The following RAB3IP variants were observed in gnomAD, a reference collection of about 807,000 sequenced individuals.
RAB3IP encodes RAB3A interacting protein.
Under a neutral mutation model 59.1 loss-of-function variants are expected in RAB3IP, and 36 were observed. The ratio of observed to expected loss-of-function variants is 0.61; its 90% CI spans 0.47 to 0.80. The LOEUF (loss-of-function observed/expected upper bound fraction) is 0.80, where lower values mean the gene tolerates loss of function less well. Ranked by LOEUF, RAB3IP falls within the 30% of genes least tolerant of loss-of-function variation. The pLI, the probability that RAB3IP is intolerant of heterozygous loss-of-function variation, is 0.00. For missense variants in RAB3IP, 511 were observed against 536.0 expected, an observed-to-expected ratio of 0.95 and a Z score of 0.46; for synonymous variants, 207 against 191.2, an observed-to-expected ratio of 1.08 and a Z score of -0.68.
At chr12:69,760,679 T>G (rs890525229) in intron 3 of RAB3IP, among the ~76,000 whole-genome samples, 3 of 152,144 alleles carry the variant, frequency 2.0e-5, no homozygotes, top group African/African-American at 4.8e-5. Flanking sequence ...AGTAAAGAAT[T>G]TAAGATTGAT....
intron 8 of RAB3IP, among the ~76,000 whole-genome samples, chr12:69,806,986 C>A (rs1044899479): frequency 6.6e-6 from 1 of 152,198 alleles, no homozygotes; most frequent in Non-Finnish European, 1.5e-5. Context: ...TCTTTCTAGA[C>A]AGACACAGTA....
chr12:69,821,678 C>T lies in RAB3IP; in HGVS notation c.*6232C>T, dbSNP rs572305683. On this transcript the variant is annotated 3_prime_UTR_variant, in exon 11 of 11. Coordinates refer to ENST00000247833, the MANE Select transcript of RAB3IP (RefSeq NM_022456.5). ...ATTTAAAAATGAGGAAATCTAAAATCTGCATTTCAAGCTGCTCTTTTTTAA... is the reference window on the plus strand; with the variant it reads ...ATTTAAAAATGAGGAAATCTAAAATTTGCATTTCAAGCTGCTCTTTTTTAA... The T allele has an allele frequency of 5.6e-4, 85 of 152,180 alleles. No homozygotes were observed. Among genetic ancestry groups the T allele is most frequent in the Admixed American group, 1.2e-3 (18 of 15,278 alleles). 9.4% of individuals were successfully genotyped at this position (152,180 alleles called of 1,614,324 possible). A position where few individuals can be genotyped will look rare whatever the true frequency, so the allele number is the denominator to read the frequency against.
At chr12:69,803,621 A>G (rs1878743869) in intron 8 of RAB3IP, among the ~76,000 whole-genome samples, 2 of 151,898 alleles carry the variant, frequency 1.3e-5, no homozygotes, top group African/African-American at 4.8e-5. Context: ...AGCATTAGGT[A>G]TATCTCCTAA....
intron 8 of RAB3IP, among the ~76,000 whole-genome samples, chr12:69,803,030 T>G (rs970116328): frequency 8.5e-5 from 13 of 152,178 alleles, no homozygotes; most frequent in African/African-American, 3.1e-4. Flanking sequence ...TTTTCTTATT[T>G]TTAAGGTCTG....
chr12:69,796,866 A>G (rs1488718393), intron 6 of RAB3IP, among the ~76,000 whole-genome samples: 2 of 152,220 alleles, frequency 1.3e-5, no homozygotes, highest in African/African-American at 2.4e-5. Context: ...TACACTAACA[A>G]AATTATAAGT....
intron 3 of RAB3IP, among the ~76,000 whole-genome samples, chr12:69,766,292 T>A (rs542196926): frequency 6.6e-6 from 1 of 152,320 alleles, no homozygotes; most frequent in South Asian, 2.1e-4. Flanking sequence ...ATGCCAATAA[T>A]TCATAGGTTT....
chr12:69,789,168 A>C (rs1416360196), intron 4 of RAB3IP, among the ~76,000 whole-genome samples: 4 of 152,028 alleles, frequency 2.6e-5, no homozygotes, highest in Admixed American at 2.6e-4. Flanking sequence ...GGGAATAACA[A>C]AGATCAGAGT....
intron 1 of RAB3IP, among the ~76,000 whole-genome samples, chr12:69,749,363 G>T (rs954264149): frequency 6.6e-6 from 1 of 152,202 alleles, no homozygotes; most frequent in East Asian, 1.9e-4. Flanking sequence ...CCCACCCTCT[G>T]CCCTGTCTGT....
intron 1 of RAB3IP, among the ~76,000 whole-genome samples, chr12:69,747,331 T>TGTGTGTGTGA (rs1165639333): frequency 4.2e-3 from 365 of 85,966 alleles, no homozygotes; most frequent in African/African-American, 0.013. Context: ...TGTGTGTGTG[T>TGTGTGTGTGA]GAGAGAGAGA....
chr12:69,789,574 C>G lies in RAB3IP; in HGVS notation c.606+4759C>G, dbSNP rs373380961. On this transcript the variant is annotated intron_variant, in intron 4 of 10. Coordinates refer to ENST00000247833, the MANE Select transcript of RAB3IP (RefSeq NM_022456.5). ...ACAAAAATAGAAGAGGGAACCCTTC[C>G]AAACTCATTTTATGAGGCCAATATC... 2.0e-5 allele frequency among the ~76,000 whole-genome samples: 3 copies of G among 152,202 alleles called. No individual in the cohort carries two copies. In the East Asian group the frequency reaches 5.8e-4, roughly 29 times the overall value.
chr12:69,819,756 G>A lies in RAB3IP; in HGVS notation c.*4310G>A, dbSNP rs866614562. 6.6e-6 allele frequency: 1 copy of A among 152,216 alleles called. No individual in the cohort carries two copies. Among genetic ancestry groups the A allele is most frequent in the Non-Finnish European group, 1.5e-5 (1 of 68,074 alleles). The allele number at this position is 152,216 out of a possible 1,614,324, so 9.4% of individuals were successfully genotyped here. On this transcript the variant is annotated 3_prime_UTR_variant, in exon 11 of 11. Transcript: ENST00000247833. ...TTTTTAGAAGTTGGTTTGGAGCTGG[G>A]GTGAGAGCCTGGCCTAATGGAGACA...
chr12:69,766,623 T>C (rs1453934716), intron 3 of RAB3IP, among the ~76,000 whole-genome samples: 1 of 151,916 alleles, frequency 6.6e-6, no homozygotes, highest in East Asian at 1.9e-4. Context: ...CAGGTTCAAG[T>C]GATTCTCCTG....
rs1162404815 is a variant in RAB3IP, at chr12:69,819,228, AATTGTTGAATTGCATTTG to A, written c.*3784_*3801del. On this transcript the variant is annotated 3_prime_UTR_variant, in exon 11 of 11. Transcript: ENST00000247833. ...CAAAACAAAAAATAAAAGGTAAGAA[AATTGTTGAATTGCATTTG>A]AGAGAGAGGAAAGGAAAGAATTCAG... The A allele has an allele frequency of 6.6e-6, 1 of 152,190 alleles. No individual in the cohort carries two copies. Among genetic ancestry groups the A allele is most frequent in the East Asian group, 1.9e-4 (1 of 5,190 alleles). 9.4% of individuals were successfully genotyped at this position (152,190 alleles called of 1,614,324 possible). A position where few individuals can be genotyped will look rare whatever the true frequency, so the allele number is the denominator to read the frequency against.
chr12:69,804,695 G>A (rs907533036), intron 8 of RAB3IP, among the ~76,000 whole-genome samples: 9 of 151,956 alleles, frequency 5.9e-5, no homozygotes, highest in African/African-American at 2.2e-4. Context: ...AAGGGATCCA[G>A]TTTCAGCTTT....
chr12:69,744,207 C>G (rs1887619829), intron 1 of RAB3IP, among the ~76,000 whole-genome samples: 1 of 151,924 alleles, frequency 6.6e-6, no homozygotes, highest in African/African-American at 2.4e-5. Flanking sequence ...CATTGTTCAT[C>G]TCCCACTTAT....
intron 8 of RAB3IP, among the ~76,000 whole-genome samples, chr12:69,804,918 G>T (rs1041577652): frequency 6.6e-6 from 1 of 152,190 alleles, no homozygotes; most frequent in East Asian, 1.9e-4. Context: ...ATAGTTTGAA[G>T]TCAGGTAGCG....
chr12:69,760,088 A>G (rs910111618), intron 3 of RAB3IP, among the ~76,000 whole-genome samples: 1 of 152,260 alleles, frequency 6.6e-6, no homozygotes, highest in African/African-American at 2.4e-5. Flanking sequence ...AGCCTGGGCA[A>G]CATTGAGCCC....
intron 8 of RAB3IP, among the ~76,000 whole-genome samples, chr12:69,811,572 T>C (rs903417321): frequency 6.6e-6 from 1 of 152,226 alleles, no homozygotes; most frequent in Non-Finnish European, 1.5e-5. Flanking sequence ...ATGCAAATTA[T>C]ACTTTTGGAA....
At chr12:69,793,736 C>T (rs1033061151) in intron 4 of RAB3IP, among the ~76,000 whole-genome samples, 2 of 152,148 alleles carry the variant, frequency 1.3e-5, no homozygotes, top group African/African-American at 4.8e-5. Flanking sequence ...ATGTAAGCTC[C>T]TTAAGAGCAG....
Sources: gnomAD v4.1 joint callset for allele counts (sites outside exome capture counted in the v4.1 genomes callset) on GRCh38, gnomAD v4.1.1 for gene constraint, MANE v1.5 for transcripts, NCBI Gene and HGNC (gene_info 2026-07-23, HGNC 2026-07-21) for gene names.